POLG: variants seen among roughly 807,000 people sequenced by gnomAD.
The protein encoded by POLG is DNA polymerase subunit gamma-1.
In POLG, 110 loss-of-function variants were observed where a neutral mutation model predicts 155.4. The observed-to-expected ratio is 0.71, with a 90% CI of 0.61 to 0.83. POLG has a LOEUF of 0.83. Ranked by LOEUF, POLG falls within the 40% of genes least tolerant of loss-of-function variation. The pLI, the probability that POLG is intolerant of heterozygous loss-of-function variation, is 0.00. For synonymous variants in POLG, 701 were observed against 631.5 expected, an observed-to-expected ratio of 1.11 and a Z score of -1.65; for missense variants, 1,685 against 1,627.5, an observed-to-expected ratio of 1.04 and a Z score of -0.61.
Position 89,321,857 on chromosome 15 carries a change from G to A in POLG, c.2481-4C>T, listed in dbSNP as rs764833370. 6.2e-7 allele frequency: 1 copy of A among 1,612,656 alleles called. No homozygotes were observed. The highest frequency in any genetic ancestry group is 2.2e-5 in the East Asian group (1 of 44,876). ...TTCCTCATCATAGTCGGGGTGCCTG[G>A]TGGGGTGCAGGGGAAGGAAATGGGT... is the stretch of plus-strand genomic sequence containing the variant. On this transcript the variant is annotated splice_region_variant and splice_polypyrimidine_tract_variant and intron_variant, in intron 15 of 22. Transcript: ENST00000268124.
rs933863596 is a variant in POLG, at chr15:89,316,654, G to C, written c.*97C>G. 4.9e-6 allele frequency: 6 copies of C among 1,212,222 alleles called. No individual in the cohort carries two copies. The African/African-American group carries it at 9.0e-5, about 18-fold the overall frequency. The allele number at this position is 1,212,222 out of a possible 1,614,324, so 75.1% of individuals were successfully genotyped here. On this transcript the variant is annotated 3_prime_UTR_variant, in exon 23 of 23. Transcript: ENST00000268124. ...CTGAAAAATGGCTGGCCTTAGGCAAGCCCTTTTGCAAAAAGCACAGCTGAA... is the reference window on the plus strand; with the variant it reads ...CTGAAAAATGGCTGGCCTTAGGCAACCCCTTTTGCAAAAAGCACAGCTGAA...
Position 89,317,511 on chromosome 15 carries a change from G to A in POLG, c.3508C>T (p.Leu1170=), listed in dbSNP as rs1175334338. The change falls in exon 22 of 23, where the codon CTG becomes TTG. Residue 1170 remains leucine, a synonymous_variant. Transcript: ENST00000268124. ...TRCMFAYKLG[L]NDLPQSVAFF... Reference sequence around the variant, plus strand: ...GCGACTGACTGGGGCAAGTCATTCAGACCCAGCTTGTAGGCAAACATGCAC... The same window carrying A: ...GCGACTGACTGGGGCAAGTCATTCAAACCCAGCTTGTAGGCAAACATGCAC... 1.9e-6 allele frequency: 3 copies of A among 1,614,124 alleles called. No individual in the cohort carries two copies. The highest frequency in any genetic ancestry group is 4.5e-5 in the East Asian group (2 of 44,882).
At position 89,327,185 on chromosome 15, in the gene POLG, T is replaced by G. The variant is rs886520102; in HGVS notation, c.1415A>C (p.Gln472Pro). The change falls in exon 7 of 23, where the codon CAG becomes CCG. Residue 472 changes from glutamine (Q) to proline (P), a missense_variant. Physicochemically the swap from Gln to Pro is moderately conservative, Grantham distance 76. Coordinates refer to ENST00000268124, the MANE Select transcript of POLG (RefSeq NM_002693.3). Reference sequence around the variant, plus strand: ...TGGCTACCTCTCTCCTGAGAGCAGCTGGCAGGCATCATTGGCCAGATCCAT... The same window carrying G: ...TGGCTACCTCTCTCCTGAGAGCAGCGGGCAGGCATCATTGGCCAGATCCAT... Reference protein sequence around the residue: ...SLMDLANDACQLLSGERYKED... With the variant: ...SLMDLANDACPLLSGERYKED... 10 of 1,614,118 alleles carry G rather than the reference T, an allele frequency of 6.2e-6. No homozygotes were observed. The highest frequency in any genetic ancestry group is 7.6e-6 in the Non-Finnish European group (9 of 1,180,046).
Position 89,322,145 on chromosome 15 carries a change from T to G in POLG, c.2427-130A>C, listed in dbSNP as rs555074918. 21 of 882,324 alleles carry G rather than the reference T, an allele frequency of 2.4e-5. No individual in the cohort carries two copies. The African/African-American group carries it at 3.1e-4, about 13-fold the overall frequency. 54.7% of individuals were successfully genotyped at this position (882,324 alleles called of 1,614,324 possible). Reference sequence around the variant, plus strand: ...CATTACCCAGCCTCACTAACTGGACTCAAGGTGAGCCCTGGCTCAGCCAAG... The same window carrying G: ...CATTACCCAGCCTCACTAACTGGACGCAAGGTGAGCCCTGGCTCAGCCAAG... On this transcript the variant is annotated intron_variant, in intron 14 of 22. Transcript: ENST00000268124.
At chr15:89,327,399 C>A in intron 6 of POLG, 50 bp from the exon 7 acceptor site, 2 of 1,559,920 alleles carry the variant, frequency 1.3e-6, no homozygotes, top group Non-Finnish European at 1.8e-6. Flanking sequence ...GGAGGCAAGA[C>A]TGGCCCAATC....
rs2055276644 is a variant in POLG, at chr15:89,316,689, T to A, written c.*62A>T. The stretch of plus-strand genomic sequence containing the variant: ...AAAAAGCACAGCTGAAAGCCTGAGT[T>A]TGGGAGCCTGCACCACCCCGATGAA... On this transcript the variant is annotated 3_prime_UTR_variant, in exon 23 of 23. Coordinates refer to ENST00000268124, the MANE Select transcript of POLG (RefSeq NM_002693.3). The A allele has an allele frequency of 7.9e-6, 11 of 1,390,618 alleles. No individual in the cohort carries two copies. In the South Asian group the frequency reaches 1.3e-4, roughly 16 times the overall value. 86.1% of individuals were successfully genotyped at this position (1,390,618 alleles called of 1,614,324 possible). A position where few individuals can be genotyped will look rare whatever the true frequency, so the allele number is the denominator to read the frequency against.
chr15:89,326,500 C>A, intron 9 of POLG, 112 bp downstream of exon 9: 2 of 1,199,124 alleles, frequency 1.7e-6, no homozygotes, highest in South Asian at 2.6e-5. Context: ...GGCAGCAGGT[C>A]AATAAGTATA....
Position 89,316,426 on chromosome 15 carries a change from C to CAAAG in POLG, c.*321_*324dup. On this transcript the variant is annotated 3_prime_UTR_variant, in exon 23 of 23. Transcript: ENST00000268124. The stretch of plus-strand genomic sequence containing the variant: ...CTGCATCAGAGCATGGGGGACAGAA[C>CAAAG]AAAGAACCAGCCAAGAAGAAAAGGA... 1 of 1,611,792 alleles carries CAAAG rather than the reference C, an allele frequency of 6.2e-7. No homozygotes were observed. Among genetic ancestry groups the CAAAG allele is most frequent in the East Asian group, 2.2e-5 (1 of 44,812 alleles).
chr15:89,319,458 T>C (rs1258103624), intron 18 of POLG, 108 bp from the exon 19 acceptor site: 2 of 1,432,592 alleles, frequency 1.4e-6, no homozygotes, highest in African/African-American at 1.4e-5. Flanking sequence ...AACACTGACA[T>C]CATGCCAGTC....
At chr15:89,332,417 C>G (rs944709782) in intron 2 of POLG, 4 of 152,114 alleles carry the variant, frequency 2.6e-5, no homozygotes, top group African/African-American at 9.7e-5. Context: ...GTACTGCCAT[C>G]ATTGTTTGAA....
At chr15:89,320,604 T>C (rs762402089) in intron 18 of POLG, among the ~76,000 whole-genome samples, 162 bp downstream of exon 18, 10 of 152,144 alleles carry the variant, frequency 6.6e-5, no homozygotes, top group Non-Finnish European at 8.8e-5. Context: ...AATGTCACAA[T>C]AGGACAAATC....
rs1466061893 is a variant in POLG at position 89,333,602 on chromosome 15, C to CTGT, written c.152_153insACA (p.Gln55dup). ...GCGGCTGCTGAGGCTGCTGTTGCTGCTGCTGCTGCTGCTGCTGCTGCTGCT... is the reference window on the plus strand; with the variant it reads ...GCGGCTGCTGAGGCTGCTGTTGCTGCTGTTGCTGCTGCTGCTGCTGCTGCTGCT... On this transcript the variant is annotated inframe_insertion, in exon 2 of 23. Coordinates refer to ENST00000268124, the MANE Select transcript of POLG (RefSeq NM_002693.3). 6.5e-6 allele frequency: 10 copies of CTGT among 1,548,314 alleles called. No individual in the cohort carries two copies. Among genetic ancestry groups the CTGT allele is most frequent in the Non-Finnish European group, 8.8e-6 (10 of 1,134,926 alleles).
At chr15:89,322,152 G>A (rs765540750) in intron 14 of POLG, 137 bp from the exon 15 acceptor site, 2 of 847,242 alleles carry the variant, frequency 2.4e-6, no homozygotes, top group African/African-American at 1.7e-5. Flanking sequence ...GACTCAAGGT[G>A]AGCCCTGGCT....
rs1313939978 is a variant in POLG at position 89,334,756 on chromosome 15, A to G, written c.-243T>C. 1 of 152,304 alleles carries G rather than the reference A, an allele frequency of 6.6e-6. No homozygotes were observed. Among genetic ancestry groups the G allele is most frequent in the Non-Finnish European group, 1.5e-5 (1 of 68,114 alleles). 9.4% of individuals were successfully genotyped at this position (152,304 alleles called of 1,614,324 possible). A position where few individuals can be genotyped will look rare whatever the true frequency, so the allele number is the denominator to read the frequency against. ...GCGTCCCCCTTCGCGCGGCCTACGC[A>G]GCCTCGGGGTAGCGTGTGGCCTCCA... is the stretch of plus-strand genomic sequence containing the variant. On this transcript the variant is annotated 5_prime_UTR_variant, in exon 1 of 23. Transcript: ENST00000268124.
chr15:89,327,866 T>C (rs1054373613), intron 6 of POLG, among the ~76,000 whole-genome samples: 22 of 152,182 alleles, frequency 1.4e-4, no homozygotes, highest in African/African-American at 5.3e-4. Context: ...GATGATCCAC[T>C]TCCACCTAAT....
chr15:89,333,782 A>C lies in POLG; in HGVS notation c.-28T>G, dbSNP rs1284152513. 11 of 1,534,614 alleles carry C rather than the reference A, an allele frequency of 7.2e-6. No individual in the cohort carries two copies. Among genetic ancestry groups the C allele is most frequent in the Non-Finnish European group, 7.0e-6 (8 of 1,146,260 alleles). On this transcript the variant is annotated 5_prime_UTR_variant, in exon 2 of 23. Transcript: ENST00000268124. ...TTGGTGCAGGGACCCCCACGCTGGG[A>C]GTCAGAACACCTGGCTTTGGGCTCC...
At position 89,323,152 on chromosome 15, in the gene POLG, C is replaced by G. The variant is rs55836219; in HGVS notation, c.2266-250G>C. Among the ~76,000 whole-genome samples, 20 of 152,344 alleles carry G rather than the reference C, an allele frequency of 1.3e-4. No homozygotes were observed. The East Asian group carries it at 3.7e-3, about 28-fold the overall frequency. On this transcript the variant is annotated intron_variant, in intron 13 of 22. Transcript: ENST00000268124. ...AATAACAAATCGGAAAAACCTATCA[C>G]GTACCAGATGTCGTACCAAACATAC...
Position 89,325,077 on chromosome 15 carries a change from T to TGAGAGAGTGAGA in POLG, c.1949+372_1949+373insTCTCACTCTCTC, listed in dbSNP as rs1258640017. Among the ~76,000 whole-genome samples the TGAGAGAGTGAGA allele has an allele frequency of 2.7e-5, 2 of 72,892 alleles. 1 individual carries two copies. Among genetic ancestry groups the TGAGAGAGTGAGA allele is most frequent in the African/African-American group, 1.5e-4 (2 of 13,002 alleles). The allele number at this position is 72,892 out of a possible 152,430, so 47.8% of individuals were successfully genotyped here. A position where few individuals can be genotyped will look rare whatever the true frequency, so the allele number is the denominator to read the frequency against. The stretch of plus-strand genomic sequence containing the variant: ...GTGAGAGAGTGAGTGAGTGAGTGAG[T>TGAGAGAGTGAGA]GAGTGAGAGAGTGAGTGAGTGAGAG... On this transcript the variant is annotated intron_variant, in intron 10 of 22. Transcript: ENST00000268124.
intron 22 of POLG, 35 bp downstream of exon 22, chr15:89,317,341 C>T (rs1297832040): frequency 1.2e-6 from 2 of 1,606,870 alleles, no homozygotes; most frequent in East Asian, 4.5e-5. Context: ...ACCTCAGATC[C>T]TATGTGTAAT....
Sources: gnomAD v4.1 joint callset for allele counts (sites outside exome capture counted in the v4.1 genomes callset) on GRCh38, gnomAD v4.1.1 for gene constraint, MANE v1.5 for transcripts, NCBI Gene and HGNC (gene_info 2026-07-23, HGNC 2026-07-21) for gene names.